Variants in TSC22D3 observed in about 807,000 individuals in gnomAD.
TSC22D3 encodes the protein TSC22 domain family member 3, also known as TSC22 domain family protein 3.
In TSC22D3, 4 loss-of-function variants were observed where a neutral mutation model predicts 11.1. The ratio of observed to expected loss-of-function variants is 0.36; its 90% CI spans 0.18 to 0.83. The LOEUF is 0.83. Among genes scored for constraint, TSC22D3 ranks in the 40% least tolerant of loss-of-function variants. The pLI is 0.48. For synonymous variants in TSC22D3, 77 were observed against 70.3 expected, an observed-to-expected ratio of 1.10 and a Z score of -0.48; for missense variants, 118 against 159.4, an observed-to-expected ratio of 0.74 and a Z score of 1.40.
intron 1 of TSC22D3, among the ~76,000 whole-genome samples, chrX:107,767,385 C>T (rs1234141439): frequency 9.0e-6 from 1 of 110,913 alleles, no homozygotes; most frequent in Non-Finnish European, 1.9e-5. Context: ...TGTTTTCCCT[C>T]GGGCTAGTGT....
intron 1 of TSC22D3, among the ~76,000 whole-genome samples, chrX:107,729,422 C>T (rs1195917793): frequency 1.8e-5 from 2 of 111,970 alleles, no homozygotes; most frequent in African/African-American, 6.5e-5. Flanking sequence ...GCTGGAGGAG[C>T]TTTCTTTGAC....
intron 1 of TSC22D3, among the ~76,000 whole-genome samples, chrX:107,738,081 C>G (rs184401071): frequency 3.6e-5 from 4 of 112,254 alleles, no homozygotes; most frequent in Non-Finnish European, 5.6e-5. Flanking sequence ...CTTTCCATAG[C>G]TAAGAAACAA....
intron 1 of TSC22D3, among the ~76,000 whole-genome samples, chrX:107,773,083 A>G (rs1156978472): frequency 1.8e-5 from 2 of 111,975 alleles, no homozygotes; most frequent in African/African-American, 3.3e-5. Context: ...ACCAATACCT[A>G]TAATGCCACC....
At chrX:107,762,466 C>T (rs1217957074) in intron 1 of TSC22D3, among the ~76,000 whole-genome samples, 2 of 112,115 alleles carry the variant, frequency 1.8e-5, no homozygotes, top group African/African-American at 6.5e-5. Flanking sequence ...AACACCTTCA[C>T]CTTTCACACA....
At chrX:107,768,305 C>T (rs1477309402) in intron 1 of TSC22D3, among the ~76,000 whole-genome samples, 1 of 112,028 alleles carries the variant, frequency 8.9e-6, no homozygotes, top group Non-Finnish European at 1.9e-5. Context: ...ACATCCATCT[C>T]CATTTTACCC....
At chrX:107,726,797 C>T (rs1300495206) in intron 1 of TSC22D3, among the ~76,000 whole-genome samples, 3 of 111,313 alleles carry the variant, frequency 2.7e-5, no homozygotes, top group Non-Finnish European at 5.7e-5. Context: ...ACCAAGAAGG[C>T]TTCCTGCCAA....
chrX:107,760,050 G>A (rs1213056376), intron 1 of TSC22D3, among the ~76,000 whole-genome samples: 1 of 112,945 alleles, frequency 8.9e-6, no homozygotes, highest in Non-Finnish European at 1.9e-5. Flanking sequence ...TGAAGGGGAG[G>A]GCCGGATCCT....
chrX:107,756,329 T>G (rs1026020374), intron 1 of TSC22D3, among the ~76,000 whole-genome samples: 1 of 112,547 alleles, frequency 8.9e-6, no homozygotes, highest in Non-Finnish European at 1.9e-5. Flanking sequence ...GAAATAATAT[T>G]TTTTGAGACC....
chrX:107,754,353 T>C (rs985837544), intron 1 of TSC22D3, among the ~76,000 whole-genome samples: 1 of 111,674 alleles, frequency 9.0e-6, no homozygotes, highest in Non-Finnish European at 1.9e-5. Context: ...TGGAATCCAT[T>C]TGTGAGTGGG....
chrX:107,771,515 G>A (rs1475530398), intron 1 of TSC22D3, among the ~76,000 whole-genome samples: 1 of 112,218 alleles, frequency 8.9e-6, no homozygotes, highest in Non-Finnish European at 1.9e-5. Context: ...AACCCAGGAG[G>A]TGGAGACTGC....
At position 107,714,362 on chromosome X, in the gene TSC22D3, G is replaced by A. The variant is rs1356260886; in HGVS notation, c.*157C>T. On this transcript the variant is annotated 3_prime_UTR_variant, in exon 3 of 3. Transcript: ENST00000372383. ...CTTGTCAGGGGTCTGTCGCTGGAGT[G>A]GACCCAGGTGGCCATGTCCTTAGGA... 2.1e-6 allele frequency: 1 copy of A among 472,231 alleles called. No individual in the cohort carries two copies. Among genetic ancestry groups the A allele is most frequent in the African/African-American group, 2.4e-5 (1 of 41,076 alleles). The allele number at this position is 472,231 out of a possible 1,213,427, so 38.9% of individuals were successfully genotyped here.
intron 1 of TSC22D3, among the ~76,000 whole-genome samples, chrX:107,748,212 C>T (rs1025427090): frequency 2.7e-5 from 3 of 112,176 alleles, no homozygotes; most frequent in African/African-American, 6.5e-5. Flanking sequence ...GCTTCTTCTC[C>T]GTGTGACCTT....
chrX:107,727,090 G>A (rs1318670145), intron 1 of TSC22D3, among the ~76,000 whole-genome samples: 1 of 111,446 alleles, frequency 9.0e-6, no homozygotes, highest in Non-Finnish European at 1.9e-5. Flanking sequence ...CAGCACGATT[G>A]GGAGATAACC....
chrX:107,748,638 G>A (rs1928783844), intron 1 of TSC22D3, among the ~76,000 whole-genome samples: 1 of 111,399 alleles, frequency 9.0e-6, no homozygotes, highest in African/African-American at 3.3e-5. Context: ...CAGCCCATCA[G>A]CTCACACCGA....
At chrX:107,718,329 C>T (rs1323031796) in intron 1 of TSC22D3, among the ~76,000 whole-genome samples, 1 of 112,196 alleles carries the variant, frequency 8.9e-6, no homozygotes, top group South Asian at 3.7e-4. Context: ...TTATTTACAC[C>T]AACTCAGGAC....
intron 1 of TSC22D3, among the ~76,000 whole-genome samples, chrX:107,770,623 G>A (rs958218402): frequency 1.8e-5 from 2 of 111,575 alleles, no homozygotes; most frequent in African/African-American, 6.5e-5. Flanking sequence ...AAGGGAAATC[G>A]GATTCAGAGT....
rs755235524 is a variant in TSC22D3, at chrX:107,746,021, T to C, written c.320+29079A>G. On this transcript the variant is annotated intron_variant, in intron 1 of 2. Coordinates refer to ENST00000372383, the MANE Select transcript of TSC22D3 (RefSeq NM_198057.3). ...TAGGATTGAATATCTATATTACATT[T>C]CTTGATGATGTTAAACTGTCCAAGT... Among the ~76,000 whole-genome samples, 27 of 112,468 alleles carry C rather than the reference T, an allele frequency of 2.4e-4. 1 individual carries two copies. The South Asian group carries it at 8.9e-3, about 37-fold the overall frequency.
intron 1 of TSC22D3, among the ~76,000 whole-genome samples, chrX:107,745,673 T>C (rs961415606): frequency 9.8e-5 from 11 of 112,705 alleles, no homozygotes; most frequent in African/African-American, 2.9e-4. Context: ...ATATTATAGC[T>C]GAAGACTGAG....
In TSC22D3 at chrX:107,714,270, G is replaced by A. The variant is rs1381455308; in HGVS notation, c.*249C>T. 2.9e-6 allele frequency: 1 copy of A among 349,588 alleles called. No individual in the cohort carries two copies. The highest frequency in any genetic ancestry group is 2.6e-5 in the African/African-American group (1 of 38,755). The allele number at this position is 349,588 out of a possible 1,213,427, so 28.8% of individuals were successfully genotyped here. ...AGGCCCTGGGAGCCCCCAGGGCGCAGTAGCATTAGAGGCTCACTGGCTTGG... is the reference window on the plus strand; with the variant it reads ...AGGCCCTGGGAGCCCCCAGGGCGCAATAGCATTAGAGGCTCACTGGCTTGG... On this transcript the variant is annotated 3_prime_UTR_variant, in exon 3 of 3. Coordinates refer to ENST00000372383, the MANE Select transcript of TSC22D3 (RefSeq NM_198057.3).
Sources: gnomAD v4.1 joint callset for allele counts (sites outside exome capture counted in the v4.1 genomes callset) on GRCh38, gnomAD v4.1.1 for gene constraint, MANE v1.5 for transcripts, NCBI Gene and HGNC (gene_info 2026-07-23, HGNC 2026-07-21) for gene names.